The following TAOK3 variants were observed in gnomAD, a reference collection of about 807,000 sequenced individuals.
TAOK3 encodes serine/threonine-protein kinase TAO3.
Under a neutral mutation model 120.4 loss-of-function variants are expected in TAOK3, and 40 were observed. The ratio of observed to expected loss-of-function variants is 0.33; its 90% confidence interval spans 0.26 to 0.43. The LOEUF is 0.43. Ranked by LOEUF, TAOK3 falls within the 20% of genes least tolerant of loss-of-function variation. The probability of loss-of-function intolerance (pLI) is 1.00; values close to 1 mark genes in which losing one functional copy is unlikely to be tolerated. For missense variants in TAOK3, 821 were observed against 1,112.1 expected (o/e 0.74, Z 3.72); for synonymous variants, 355 against 387.5 (o/e 0.92, Z 0.99).
chr12:118,278,912 T>G (rs767871637), intron 1 of TAOK3, among the ~76,000 whole-genome samples: 27 of 152,158 alleles, frequency 1.8e-4, no homozygotes, highest in Non-Finnish European at 1.9e-4. Flanking sequence ...GTTCAAGCAA[T>G]TCTCCTGCCT....
chr12:118,330,281 T>C (rs569807680), intron 1 of TAOK3, among the ~76,000 whole-genome samples: 11 of 152,374 alleles, frequency 7.2e-5, no homozygotes, highest in Non-Finnish European at 1.5e-4. Flanking sequence ...GCTTAAGTTA[T>C]ATTAGAACAG....
At chr12:118,254,924 AT>A (rs778512087) in intron 3 of TAOK3, among the ~76,000 whole-genome samples, 275 of 146,922 alleles carry the variant, frequency 1.9e-3, no homozygotes, top group African/African-American at 5.2e-3. Context: ...CGCCTGGCTA[AT>A]TTTTTTTTTT....
chr12:118,188,123 C>T (rs1161053943), intron 14 of TAOK3, among the ~76,000 whole-genome samples: 1 of 152,122 alleles, frequency 6.6e-6, no homozygotes, highest in Non-Finnish European at 1.5e-5. Flanking sequence ...GGGGGAAAGC[C>T]ACTTGGTATA....
At chr12:118,364,122 G>A (rs1304397539) in intron 1 of TAOK3, among the ~76,000 whole-genome samples, 1 of 151,934 alleles carries the variant, frequency 6.6e-6, no homozygotes, top group Non-Finnish European at 1.5e-5. Context: ...GGCAACAAGA[G>A]CAAAACTCCA....
At chr12:118,227,257 A>G (rs1401443444) in intron 9 of TAOK3, among the ~76,000 whole-genome samples, 1 of 146,264 alleles carries the variant, frequency 6.8e-6, no homozygotes, top group Non-Finnish European at 1.5e-5. Context: ...TTTTAATATA[A>G]TATAAAATTA....
chr12:118,312,860 TATA>T (rs2043311680), intron 1 of TAOK3, among the ~76,000 whole-genome samples: 1 of 152,152 alleles, frequency 6.6e-6, no homozygotes, highest in Non-Finnish European at 1.5e-5. Context: ...ACAACAAAAC[TATA>T]ATGAGTGTTG....
intron 5 of TAOK3, among the ~76,000 whole-genome samples, chr12:118,239,560 T>C (rs980071976): frequency 6.6e-6 from 1 of 152,258 alleles, no homozygotes; most frequent in African/African-American, 2.4e-5. Context: ...ATTTATTAAC[T>C]CCTTCACTAC....
chr12:118,259,315 G>A (rs2041124248), intron 2 of TAOK3, among the ~76,000 whole-genome samples: 1 of 152,128 alleles, frequency 6.6e-6, no homozygotes, highest in East Asian at 1.9e-4. Flanking sequence ...GAAGGCCGAG[G>A]TGGGCAGGTG....
Position 118,233,828 on chromosome 12 carries a change from G to A in TAOK3, c.552-63C>T, listed in dbSNP as rs2039892430. The A allele has an allele frequency of 7.4e-6, 8 of 1,087,546 alleles. No homozygotes were observed. The South Asian group carries it at 9.5e-5, about 13-fold the overall frequency. The allele number at this position is 1,087,546 out of a possible 1,614,324, so 67.4% of individuals were successfully genotyped here. ...AAAAACAAAATTTCTCCAGGAAAGT[G>A]ATTCAATGAAATAGCTGTTCTTAAG... On this transcript the variant is annotated intron_variant, in intron 8 of 20. Transcript: ENST00000392533.
Position 118,330,684 on chromosome 12 carries a change from C to G in TAOK3, c.-194+41964G>C, listed in dbSNP as rs1414846578. Reference sequence around the variant, plus strand: ...ATAAAAAACGAGAAGAAAAAGAAACCAAGAAAAAAAAATTCAAAAAAAGAG... The same window carrying G: ...ATAAAAAACGAGAAGAAAAAGAAACGAAGAAAAAAAAATTCAAAAAAAGAG... On this transcript the variant is annotated intron_variant, in intron 1 of 20. Transcript: ENST00000392533. 6.6e-5 allele frequency among the ~76,000 whole-genome samples: 7 copies of G among 105,652 alleles called. No homozygotes were observed. In the South Asian group the frequency reaches 1.5e-3, roughly 23 times the overall value. The allele number at this position is 105,652 out of a possible 152,430, so 69.3% of individuals were successfully genotyped here. A position where few individuals can be genotyped will look rare whatever the true frequency, so the allele number is the denominator to read the frequency against.
rs112000881 is a variant in TAOK3, at chr12:118,352,504, C to CAA, written c.-194+20142_-194+20143dup. Reference sequence around the variant, plus strand: ...TGGGCGACACAGCGAGACTCTGTCTCAAAAAAAAAAAAATCATATATATAC... The same window carrying CAA: ...TGGGCGACACAGCGAGACTCTGTCTCAAAAAAAAAAAAAAATCATATATATAC... On this transcript the variant is annotated intron_variant, in intron 1 of 20. Transcript: ENST00000392533. Among the ~76,000 whole-genome samples the CAA allele has an allele frequency of 2.5e-4, 31 of 126,368 alleles. 1 individual carries two copies. In the East Asian group the frequency reaches 3.5e-3, roughly 14 times the overall value. 82.9% of individuals were successfully genotyped at this position (126,368 alleles called of 152,430 possible).
intron 9 of TAOK3, among the ~76,000 whole-genome samples, chr12:118,226,449 G>A (rs981318855): frequency 4.6e-5 from 7 of 151,642 alleles, no homozygotes; most frequent in Non-Finnish European, 8.8e-5. Context: ...CAGGAGAATC[G>A]CTTGAACCCG....
At chr12:118,253,984 G>C (rs1257472943) in intron 3 of TAOK3, among the ~76,000 whole-genome samples, 1 of 152,164 alleles carries the variant, frequency 6.6e-6, no homozygotes, top group Admixed American at 6.5e-5. Flanking sequence ...GGATCCAGGA[G>C]GCGGAGGTTG....
At chr12:118,162,103 G>A in intron 17 of TAOK3, 76 bp from the exon 18 acceptor site, 1 of 1,565,030 alleles carries the variant, frequency 6.4e-7, no homozygotes. Context: ...CTAAGTGAGG[G>A]AGGGCAAGGA....
intron 17 of TAOK3, among the ~76,000 whole-genome samples, chr12:118,164,061 G>A (rs1171828251): frequency 3.3e-5 from 5 of 151,638 alleles, no homozygotes; most frequent in African/African-American, 9.7e-5. Flanking sequence ...GGTGGCTCAC[G>A]CCTGCAATCC....
At chr12:118,258,055 G>A (rs899671631) in intron 2 of TAOK3, among the ~76,000 whole-genome samples, 5 of 152,158 alleles carry the variant, frequency 3.3e-5, no homozygotes, top group Non-Finnish European at 7.3e-5. Context: ...GACTCAGCCT[G>A]TTTTTGACTT....
intron 1 of TAOK3, among the ~76,000 whole-genome samples, chr12:118,303,247 T>G (rs2042939402): frequency 6.6e-6 from 1 of 152,222 alleles, no homozygotes. Context: ...CCTCCTCTGT[T>G]TTTTTGCTTC....
chr12:118,258,806 CT>C (rs1199237807), intron 2 of TAOK3, among the ~76,000 whole-genome samples: 1 of 151,680 alleles, frequency 6.6e-6, no homozygotes, highest in Non-Finnish European at 1.5e-5. Flanking sequence ...AAAGATATAC[CT>C]TTTTGGAGAC....
At chr12:118,202,302 T>TA (rs1463092199) in intron 11 of TAOK3, among the ~76,000 whole-genome samples, 4 of 152,038 alleles carry the variant, frequency 2.6e-5, no homozygotes, top group Non-Finnish European at 5.9e-5. Flanking sequence ...ATTTTGGCTA[T>TA]AGAGAAAAAT....
Sources: gnomAD v4.1 joint callset for allele counts (sites outside exome capture counted in the v4.1 genomes callset) on GRCh38, gnomAD v4.1.1 for gene constraint, MANE v1.5 for transcripts, NCBI Gene and HGNC (gene_info 2026-07-23, HGNC 2026-07-21) for gene names.